EPHA3: variants seen among roughly 807,000 people sequenced by gnomAD.
The protein encoded by EPHA3 is ephrin type-A receptor 3.
EPHA3 carries 42 observed loss-of-function variants against 107.1 expected under a neutral mutation model. That is an observed-to-expected ratio of 0.39 (90% CI 0.31 to 0.51). The LOEUF (loss-of-function observed/expected upper bound fraction) is 0.51. Among genes scored for constraint, EPHA3 ranks in the 20% least tolerant of loss-of-function variants. EPHA3 has a pLI of 0.78. For missense variants in EPHA3, 1,183 were observed against 1,211.2 expected (o/e 0.98, Z 0.35); for synonymous variants, 461 against 424.8 (o/e 1.09, Z -1.05).
chr3:89,173,932 C>A (rs1315479771), intron 2 of EPHA3, among the ~76,000 whole-genome samples: 1 of 151,862 alleles, frequency 6.6e-6, no homozygotes, highest in African/African-American at 2.4e-5. Flanking sequence ...TAGTGAACAA[C>A]CACAGTCTGG....
intron 3 of EPHA3, among the ~76,000 whole-genome samples, chr3:89,288,619 T>A (rs1002569057): frequency 1.3e-5 from 2 of 152,140 alleles, no homozygotes; most frequent in Non-Finnish European, 2.9e-5. Flanking sequence ...CACCCAGTAA[T>A]GTTCTCAGAT....
At chr3:89,128,561 C>A (rs1704139410) in intron 2 of EPHA3, among the ~76,000 whole-genome samples, 1 of 151,840 alleles carries the variant, frequency 6.6e-6, no homozygotes. Context: ...ATGACTCCTT[C>A]AGATAATATA....
intron 5 of EPHA3, among the ~76,000 whole-genome samples, chr3:89,343,556 C>T (rs1485410087): frequency 6.6e-6 from 1 of 152,114 alleles, no homozygotes; most frequent in Non-Finnish European, 1.5e-5. Flanking sequence ...CTTGAGGGGC[C>T]CCTGTCTTCC....
At chr3:89,291,197 T>A (rs2107329427) in intron 3 of EPHA3, among the ~76,000 whole-genome samples, 1 of 152,314 alleles carries the variant, frequency 6.6e-6, no homozygotes, top group African/African-American at 2.4e-5. Context: ...AATATCATCA[T>A]ATATATTATG....
intron 11 of EPHA3, among the ~76,000 whole-genome samples, chr3:89,423,545 C>A (rs771211776): frequency 5.3e-5 from 8 of 151,300 alleles, no homozygotes; most frequent in Non-Finnish European, 1.0e-4. Flanking sequence ...GTTAGGATAA[C>A]AAATTTTGGA....
In EPHA3 at chr3:89,341,045, A is replaced by G; in HGVS notation, c.944A>G (p.Lys315Arg). ...RCENNYFRAD[K>R]DPPSMACTRP... ...GAGAATAATTACTTCCGGGCAGACA[A>G]AGACCCTCCATCCATGGCTTGTACC... is the stretch of plus-strand genomic sequence containing the variant. The change falls in exon 4 of 17, where the codon AAA (lysine) becomes AGA (arginine). Residue 315 changes from lysine (K) to arginine (R), a missense_variant. Transcript: ENST00000336596. The G allele has an allele frequency of 1.2e-6, 2 of 1,614,016 alleles. No homozygotes were observed.
At chr3:89,144,687 T>C (rs1171983662) in intron 2 of EPHA3, among the ~76,000 whole-genome samples, 4 of 151,798 alleles carry the variant, frequency 2.6e-5, no homozygotes, top group African/African-American at 4.8e-5. Flanking sequence ...TTTGCTTAAA[T>C]GGAGTGCTGA....
At chr3:89,429,209 C>A (rs1366867572) in intron 12 of EPHA3, 42 bp downstream of exon 12, 1 of 1,489,392 alleles carries the variant, frequency 6.7e-7, no homozygotes, top group Non-Finnish European at 9.3e-7. Flanking sequence ...GAATAAATTG[C>A]TGAAAACATT....
chr3:89,149,475 TA>T (rs1168231139), intron 2 of EPHA3, among the ~76,000 whole-genome samples: 2 of 152,122 alleles, frequency 1.3e-5, no homozygotes, highest in African/African-American at 4.8e-5. Flanking sequence ...ATTAAATGCA[TA>T]GAATAATCTT....
chr3:89,354,772 A>G (rs1332696615), intron 5 of EPHA3, among the ~76,000 whole-genome samples: 3 of 151,222 alleles, frequency 2.0e-5, no homozygotes, highest in African/African-American at 7.3e-5. Context: ...CAACAATTTT[A>G]TATGGCTATA....
At chr3:89,444,415 G>T (rs1709842073) in intron 13 of EPHA3, among the ~76,000 whole-genome samples, 1 of 151,612 alleles carries the variant, frequency 6.6e-6, no homozygotes. Context: ...TGTGTACAAT[G>T]TTGGTTTATT....
chr3:89,266,150 A>C (rs1001854174), intron 3 of EPHA3, among the ~76,000 whole-genome samples: 1 of 152,162 alleles, frequency 6.6e-6, no homozygotes, highest in Non-Finnish European at 1.5e-5. Flanking sequence ...AATAGCATAA[A>C]GTATGAACCC....
At chr3:89,159,479 T>C (rs1236808987) in intron 2 of EPHA3, among the ~76,000 whole-genome samples, 2 of 152,136 alleles carry the variant, frequency 1.3e-5, no homozygotes, top group Admixed American at 1.3e-4. Context: ...GGCTATGGTC[T>C]CATTGACACC....
chr3:89,378,452 G>GT (rs1166596870), intron 5 of EPHA3, among the ~76,000 whole-genome samples: 1 of 151,920 alleles, frequency 6.6e-6, no homozygotes, highest in Non-Finnish European at 1.5e-5. Context: ...TATTTTTCGT[G>GT]TCAATTCTAA....
intron 3 of EPHA3, among the ~76,000 whole-genome samples, chr3:89,267,724 T>C (rs1268495334): frequency 1.3e-5 from 2 of 152,176 alleles, no homozygotes; most frequent in South Asian, 2.1e-4. Context: ...TTTATTTCTG[T>C]TTAAGCTTTG....
In EPHA3 at chr3:89,210,356, C is replaced by A; in HGVS notation, c.650C>A (p.Pro217His). Residue 217 changes from proline (P) to histidine (H), a missense_variant, in exon 3 of 17, where the codon CCC (proline) becomes CAC (histidine). Pro to His is a moderately conservative substitution (Grantham distance 77). Transcript: ENST00000336596. Reference sequence around the variant, plus strand: ...CTGGCTATGTTTCCAGACACGGTACCCATGGACTCCCAGTCCCTGGTGGAG... The same window carrying A: ...CTGGCTATGTTTCCAGACACGGTACACATGGACTCCCAGTCCCTGGTGGAG... ...KNLAMFPDTV[P>H]MDSQSLVEVR... is the part of the protein sequence containing the mutation. 1.2e-6 allele frequency: 2 copies of A among 1,613,692 alleles called. No individual in the cohort carries two copies. The highest frequency in any genetic ancestry group is 1.7e-6 in the Non-Finnish European group (2 of 1,179,822).
intron 5 of EPHA3, among the ~76,000 whole-genome samples, chr3:89,346,453 T>C (rs1164019326): frequency 6.8e-6 from 1 of 147,748 alleles, no homozygotes; most frequent in Non-Finnish European, 1.5e-5. Context: ...TCACCCACTT[T>C]TTGATGGGGT....
At chr3:89,193,519 C>T (rs1306514498) in intron 2 of EPHA3, among the ~76,000 whole-genome samples, 1 of 151,930 alleles carries the variant, frequency 6.6e-6, no homozygotes, top group African/African-American at 2.4e-5. Context: ...GTGTTTTATA[C>T]TGCAGGATAG....
intron 2 of EPHA3, among the ~76,000 whole-genome samples, chr3:89,187,375 T>C (rs1705592537): frequency 6.7e-6 from 1 of 148,746 alleles, no homozygotes; most frequent in South Asian, 2.1e-4. Context: ...AATGTATATA[T>C]CTATGCATTT....
Sources: allele counts gnomAD v4.1 joint callset (sites outside exome capture counted in the v4.1 genomes callset), GRCh38; gene constraint gnomAD v4.1.1; transcripts MANE v1.5; gene names NCBI Gene and HGNC (gene_info 2026-07-23, HGNC 2026-07-21).